Variants in ANXA9 observed in about 807,000 individuals in gnomAD.
The protein encoded by ANXA9 is annexin A9, also known as annexin 31.
In ANXA9, 47 loss-of-function variants were observed where a neutral mutation model predicts 51.8. The observed-to-expected ratio is 0.91, with a 90% CI of 0.72 to 1.16. The LOEUF (loss-of-function observed/expected upper bound fraction) is 1.16. Ranked by LOEUF, ANXA9 falls within the 50% of genes most tolerant of loss-of-function variation. The pLI, the probability that ANXA9 is intolerant of heterozygous loss-of-function variation, is 0.00. For synonymous variants in ANXA9, 154 were observed against 168.7 expected (o/e 0.91, Z 0.68); for missense variants, 361 against 424.7 (o/e 0.85, Z 1.32).
intron 9 of ANXA9, among the ~76,000 whole-genome samples, chr1:150,987,378 TCTCACA>T (rs761064357): frequency 4.0e-3 from 258 of 64,388 alleles, no homozygotes; most frequent in South Asian, 0.018. Flanking sequence ...TCTCTCTCTC[TCTCACA>T]CACACACACA....
upstream of ANXA9, chr1:150,981,922 A>G (rs1404612294): frequency 6.6e-6 from 1 of 152,050 alleles, no homozygotes; most frequent in African/African-American, 2.4e-5. Flanking sequence ...AGCCTGTCTG[A>G]CCTGCCCCCC....
At chr1:150,992,154 C>T (rs1345886081) in intron 12 of ANXA9, among the ~76,000 whole-genome samples, 2 of 152,200 alleles carry the variant, frequency 1.3e-5, no homozygotes, top group African/African-American at 4.8e-5. Context: ...TTCAGAAAAT[C>T]AGCAATGGCT....
chr1:150,983,924 A>C, intron 4 of ANXA9, 51 bp from the exon 5 acceptor site: 2 of 1,553,996 alleles, frequency 1.3e-6, no homozygotes, highest in Non-Finnish European at 1.8e-6. Context: ...GAGTAGGAAC[A>C]TCCCACTATG....
At chr1:150,983,847 TGG>T in intron 4 of ANXA9, 126 bp from the exon 5 acceptor site, 1 of 838,544 alleles carries the variant, frequency 1.2e-6, no homozygotes, top group Non-Finnish European at 1.9e-6. Context: ...AAAATGGAAG[TGG>T]GGGTGATATA....
At chr1:150,990,375 T>A (rs79325234) in intron 12 of ANXA9, among the ~76,000 whole-genome samples, 63 of 105,066 alleles carry the variant, frequency 6.0e-4, no homozygotes, top group South Asian at 6.0e-3. Flanking sequence ...AAAAAAAAAA[T>A]TTTTTTTTTG....
At chr1:150,984,169 T>C (rs934602071) in intron 5 of ANXA9, 100 bp downstream of exon 5, 1 of 1,524,082 alleles carries the variant, frequency 6.6e-7, no homozygotes, top group South Asian at 1.2e-5. Context: ...CCCTGCTTCC[T>C]GGCTAAACAG....
upstream of ANXA9, among the ~76,000 whole-genome samples, chr1:150,980,799 C>G (rs1671402949): frequency 6.6e-6 from 1 of 152,006 alleles, no homozygotes; most frequent in Admixed American, 6.6e-5. Context: ...CAAGGCTGGT[C>G]TCGATCTCCT....
chr1:150,993,085 G>A (rs774376156), intron 12 of ANXA9, among the ~76,000 whole-genome samples: 3 of 151,886 alleles, frequency 2.0e-5, no homozygotes, highest in African/African-American at 4.8e-5. Context: ...GATGCCCTAA[G>A]TATGTGTTGT....
Position 150,994,626 on chromosome 1 carries a change from G to T in ANXA9, c.902G>T (p.Cys301Phe). 1 of 1,614,062 alleles carries T rather than the reference G, an allele frequency of 6.2e-7. No individual in the cohort carries two copies. Among genetic ancestry groups the T allele is most frequent in the African/African-American group, 1.3e-5 (1 of 75,018 alleles). ...CTGATTCGCATCCTTATCTCTCGAT[G>T]TGAGACTGACCTTCTGAGTATCAGA... ...QVLIRILISR[C>F]ETDLLSIRAE... The change falls in exon 13 of 14, where the codon TGT becomes TTT. Residue 301 changes from cysteine (C) to phenylalanine (F), a missense_variant. Physicochemically the swap from Cys to Phe is radical, Grantham distance 205 (BLOSUM62 -2). Coordinates refer to ENST00000368947, the MANE Select transcript of ANXA9 (RefSeq NM_003568.3).
upstream of ANXA9, among the ~76,000 whole-genome samples, chr1:150,980,572 CTTTTTT>C (rs869295630): frequency 2.9e-4 from 26 of 89,072 alleles, no homozygotes; most frequent in Admixed American, 9.7e-4. Flanking sequence ...ACACAGATTA[CTTTTTT>C]TTTTTTTTTT....
intron 12 of ANXA9, among the ~76,000 whole-genome samples, chr1:150,993,305 A>ATTTCT (rs1183608550): frequency 1.3e-5 from 2 of 151,788 alleles, no homozygotes; most frequent in East Asian, 1.9e-4. Context: ...TACCTGTGTT[A>ATTTCT]TTTCTTTTCT....
chr1:150,986,741 C>CT (rs1366087061), intron 9 of ANXA9, 80 bp downstream of exon 9: 28 of 1,411,294 alleles, frequency 2.0e-5, no homozygotes, highest in Non-Finnish European at 2.5e-5. Flanking sequence ...AGCCGGTGAC[C>CT]TACGTGCCCA....
intron 1 of ANXA9, 40 bp downstream of exon 1, chr1:150,982,419 T>C (rs1301402850): frequency 6.6e-6 from 1 of 152,352 alleles, no homozygotes; most frequent in Non-Finnish European, 1.5e-5. Context: ...GGAGGGCTTG[T>C]TGATTGCTTG....
In ANXA9 at chr1:150,995,543, G is replaced by A; in HGVS notation, c.*221G>A. 1 of 470,754 alleles carries A rather than the reference G, an allele frequency of 2.1e-6. No homozygotes were observed. The allele number at this position is 470,754 out of a possible 1,614,324, so 29.2% of individuals were successfully genotyped here. A position where few individuals can be genotyped will look rare whatever the true frequency, so the allele number is the denominator to read the frequency against. On this transcript the variant is annotated 3_prime_UTR_variant, in exon 14 of 14. Transcript: ENST00000368947. ...TCATCCAGCTCCTTCTTGGGTGTGGGGAAATGAGTTTTCTTTGATAGTTTC... is the reference window on the plus strand; with the variant it reads ...TCATCCAGCTCCTTCTTGGGTGTGGAGAAATGAGTTTTCTTTGATAGTTTC...
At chr1:150,985,576 GTTC>G (rs587703989) in intron 7 of ANXA9, among the ~76,000 whole-genome samples, 59 of 133,204 alleles carry the variant, frequency 4.4e-4, no homozygotes, top group African/African-American at 1.7e-3. Context: ...CTTGGCCTAT[GTTC>G]TTCTTTTGAG....
At chr1:150,990,410 A>C (rs984467603) in intron 12 of ANXA9, among the ~76,000 whole-genome samples, 8 of 151,884 alleles carry the variant, frequency 5.3e-5, no homozygotes, top group South Asian at 2.1e-4. Context: ...TCTGTTGCCT[A>C]GGCTGGAGTG....
Position 150,987,956 on chromosome 1 carries a change from G to A in ANXA9, c.697G>A (p.Val233Met). The A allele has an allele frequency of 1.2e-6, 2 of 1,614,050 alleles. No homozygotes were observed. Among genetic ancestry groups the A allele is most frequent in the African/African-American group, 1.3e-5 (1 of 75,022 alleles). The change falls in exon 10 of 14, where the codon GTG (valine) becomes ATG (methionine). Residue 233 changes from valine (V) to methionine (M), a missense_variant and splice_region_variant. By Grantham distance (21) the Val-to-Met change is conservative. Coordinates refer to ENST00000368947, the MANE Select transcript of ANXA9 (RefSeq NM_003568.3). ...TQRNPEHLIR[V>M]FDQYQRSTGQ... ...GCGAAATCCTGAACACCTCATCCGA[G>A]GTACACACAAGCCTTCTTGTCCCCC...
chr1:150,983,328 G>C lies in ANXA9; in HGVS notation c.76-10G>C. The C allele has an allele frequency of 4.3e-6, 7 of 1,613,596 alleles. No homozygotes were observed. The highest frequency in any genetic ancestry group is 5.9e-6 in the Non-Finnish European group (7 of 1,179,708). On this transcript the variant is annotated splice_polypyrimidine_tract_variant and intron_variant, in intron 3 of 13. Transcript: ENST00000368947. ...CCCTGGCCCTTGCCAACTACCCTGT[G>C]CTCCCACAGACTGCAGCGTGGGGGA... is the stretch of plus-strand genomic sequence containing the variant.
chr1:150,983,055 A>AATTC (rs1226651519), intron 2 of ANXA9, 35 bp from the exon 3 acceptor site: 2 of 1,571,436 alleles, frequency 1.3e-6, no homozygotes, highest in Non-Finnish European at 1.7e-6. Flanking sequence ...AGGGCCAGGA[A>AATTC]ATTCAGCTCT....
Sources: gnomAD v4.1 joint callset for allele counts (sites outside exome capture counted in the v4.1 genomes callset) on GRCh38, gnomAD v4.1.1 for gene constraint, MANE v1.5 for transcripts, NCBI Gene and HGNC (gene_info 2026-07-23, HGNC 2026-07-21) for gene names.